Variants in STX8 observed in about 807,000 individuals in gnomAD.
STX8 encodes syntaxin-8.
In STX8, 23 loss-of-function variants were observed where a neutral mutation model predicts 37.5. The observed-to-expected ratio is 0.61, with a 90% CI of 0.44 to 0.87. The LOEUF is 0.87. Among genes scored for constraint, STX8 ranks in the 40% least tolerant of loss-of-function variants. The pLI is 0.00. For missense variants in STX8, 313 were observed against 284.7 expected (o/e 1.10, Z -0.71); for synonymous variants, 115 against 99.1 (o/e 1.16, Z -0.95).
At chr17:9,466,809 A>G (rs1001930242) in intron 6 of STX8, among the ~76,000 whole-genome samples, 1 of 152,186 alleles carries the variant, frequency 6.6e-6, no homozygotes, top group Non-Finnish European at 1.5e-5. Flanking sequence ...ACCACCTCCG[A>G]AGCATGAGGC....
intron 6 of STX8, among the ~76,000 whole-genome samples, chr17:9,449,446 G>A (rs956718643): frequency 6.6e-6 from 1 of 152,164 alleles, no homozygotes; most frequent in Non-Finnish European, 1.5e-5. Flanking sequence ...TGTAGTCCCA[G>A]CTACTCGGGC....
chr17:9,282,056 C>A (rs1269447058), intron 7 of STX8, among the ~76,000 whole-genome samples: 1 of 152,232 alleles, frequency 6.6e-6, no homozygotes, highest in Non-Finnish European at 1.5e-5. Context: ...CATTTCCCCC[C>A]TCTATCTGAG....
intron 6 of STX8, among the ~76,000 whole-genome samples, chr17:9,410,506 C>T (rs185496635): frequency 3.3e-5 from 5 of 152,304 alleles, no homozygotes; most frequent in African/African-American, 9.6e-5. Context: ...CAATCAGGCA[C>T]GCTCAGTTAC....
At position 9,377,321 on chromosome 17, in the gene STX8, C is replaced by T. The variant is rs1012233372; in HGVS notation, c.643+1231G>A. Among the ~76,000 whole-genome samples, 4 of 150,612 alleles carry T rather than the reference C, an allele frequency of 2.7e-5. No individual in the cohort carries two copies. In the South Asian group the frequency reaches 6.3e-4, roughly 24 times the overall value. On this transcript the variant is annotated intron_variant, in intron 7 of 7. Coordinates refer to ENST00000306357, the MANE Select transcript of STX8 (RefSeq NM_004853.3). ...TGTAATTCTTTTTTTTTTTTAAAGA[C>T]ACAAGGTTTCACTCTGTCACCCAAG...
At chr17:9,284,959 T>C (rs1466376156) in intron 7 of STX8, among the ~76,000 whole-genome samples, 1 of 152,178 alleles carries the variant, frequency 6.6e-6, no homozygotes, top group Non-Finnish European at 1.5e-5. Context: ...TTTCCTCTGA[T>C]GGTTTCCAGC....
At chr17:9,555,568 G>A (rs980613458) in intron 3 of STX8, 3 of 152,124 alleles carry the variant, frequency 2.0e-5, no homozygotes, top group Non-Finnish European at 4.4e-5. Flanking sequence ...ACCGAAAGCA[G>A]AGGAAACAGT....
intron 7 of STX8, among the ~76,000 whole-genome samples, chr17:9,290,007 C>T (rs1020141222): frequency 2.6e-5 from 4 of 152,036 alleles, no homozygotes; most frequent in Admixed American, 2.6e-4. Flanking sequence ...TGTGTGTGGG[C>T]GGACAATGAA....
At chr17:9,381,619 T>A (rs1016988943) in intron 6 of STX8, among the ~76,000 whole-genome samples, 3 of 152,216 alleles carry the variant, frequency 2.0e-5, no homozygotes, top group African/African-American at 7.2e-5. Flanking sequence ...TATTCATCCT[T>A]ATACCTCCCA....
At chr17:9,328,979 G>C (rs528579880) in intron 7 of STX8, among the ~76,000 whole-genome samples, 1 of 148,750 alleles carries the variant, frequency 6.7e-6, no homozygotes, top group African/African-American at 2.5e-5. Flanking sequence ...GAACCCAGGA[G>C]GTGGAGGTTG....
intron 6 of STX8, among the ~76,000 whole-genome samples, chr17:9,414,233 G>T (rs1282330196): frequency 6.6e-6 from 1 of 151,198 alleles, no homozygotes; most frequent in Non-Finnish European, 1.5e-5. Context: ...GGTAGCTACA[G>T]AATTTCCCTA....
chr17:9,440,524 G>A (rs34053801), intron 6 of STX8, among the ~76,000 whole-genome samples: 1 of 96,020 alleles, frequency 1.0e-5, no homozygotes, highest in South Asian at 3.8e-4. Flanking sequence ...GTGAATCAAT[G>A]ATTTTTTTTT....
At chr17:9,319,505 A>G (rs773813875) in intron 7 of STX8, among the ~76,000 whole-genome samples, 9 of 152,200 alleles carry the variant, frequency 5.9e-5, no homozygotes, top group Non-Finnish European at 1.0e-4. Context: ...AAGTTATACA[A>G]TACAGAAAAT....
intron 7 of STX8, among the ~76,000 whole-genome samples, chr17:9,319,117 G>A (rs985059895): frequency 1.5e-4 from 23 of 152,312 alleles, no homozygotes; most frequent in African/African-American, 5.5e-4. Context: ...TTTAAGAGAT[G>A]TTGATATATT....
At chr17:9,535,649 G>A (rs954865823) in intron 4 of STX8, among the ~76,000 whole-genome samples, 1 of 151,762 alleles carries the variant, frequency 6.6e-6, no homozygotes, top group Non-Finnish European at 1.5e-5. Context: ...AGCCAGGATG[G>A]TCTCAATCTC....
At chr17:9,532,825 G>C (rs1459120467) in intron 4 of STX8, among the ~76,000 whole-genome samples, 1 of 151,706 alleles carries the variant, frequency 6.6e-6, no homozygotes, top group Non-Finnish European at 1.5e-5. Context: ...TTATATGGCT[G>C]GTATCAGACC....
chr17:9,315,883 G>A (rs1287383396), intron 7 of STX8, among the ~76,000 whole-genome samples: 1 of 151,910 alleles, frequency 6.6e-6, no homozygotes, highest in East Asian at 1.9e-4. Flanking sequence ...GTGTGGTGGT[G>A]TGTACCTGTA....
chr17:9,507,145 TCC>T lies in STX8; in HGVS notation c.324-1985_324-1984del, dbSNP rs1904867602. 1.3e-5 allele frequency among the ~76,000 whole-genome samples: 2 copies of T among 151,868 alleles called. No homozygotes were observed. Among genetic ancestry groups the T allele is most frequent in the African/African-American group, 4.8e-5 (2 of 41,300 alleles). ...TGACAGGCTAGCAGAGTGACTACGC[TCC>T]TGCATCCCGGATCTATGAAACAGTC... On this transcript the variant is annotated intron_variant, in intron 4 of 7. Coordinates refer to ENST00000306357, the MANE Select transcript of STX8 (RefSeq NM_004853.3). This position sits in a 1 kb window ranked among gnomAD's most constrained non-coding sequence, Gnocchi z 4.0.
intron 7 of STX8, among the ~76,000 whole-genome samples, chr17:9,317,437 C>T (rs1031378858): frequency 1.3e-5 from 2 of 152,240 alleles, no homozygotes; most frequent in South Asian, 2.1e-4. Flanking sequence ...GATAAAACCG[C>T]GCCAGGCAAA....
chr17:9,552,545 G>A (rs570331261), intron 3 of STX8, among the ~76,000 whole-genome samples: 1 of 152,212 alleles, frequency 6.6e-6, no homozygotes, highest in South Asian at 2.1e-4. Context: ...CACATCCATT[G>A]GGGTTTGTTA....
Sources: gnomAD v4.1 joint callset for allele counts (sites outside exome capture counted in the v4.1 genomes callset) on GRCh38, gnomAD v4.1.1 for gene constraint, Gnocchi (gnomAD v3.1) non-coding constraint, MANE v1.5 for transcripts, NCBI Gene and HGNC (gene_info 2026-07-23, HGNC 2026-07-21) for gene names.